The following TMEM163 variants were observed in gnomAD, a reference collection of about 807,000 sequenced individuals.
The protein encoded by TMEM163 is transmembrane protein 163.
In TMEM163, 17 loss-of-function variants were observed where a neutral mutation model predicts 29.3. That is an observed-to-expected ratio of 0.58 (90% CI 0.40 to 0.87). The LOEUF (loss-of-function observed/expected upper bound fraction) is 0.87. TMEM163 is among the 40% of genes least tolerant of loss of function. The pLI is 0.00. For synonymous variants in TMEM163, 157 were observed against 160.6 expected (o/e 0.98, Z 0.17); for missense variants, 303 against 381.5 (o/e 0.79, Z 1.71).
chr2:134,483,368 A>G (rs1679239784), intron 5 of TMEM163, among the ~76,000 whole-genome samples: 1 of 152,108 alleles, frequency 6.6e-6, no homozygotes, highest in Non-Finnish European at 1.5e-5. Context: ...AGGCACCGCC[A>G]TTCCTGAGGA....
At chr2:134,713,398 A>T (rs1032909646) in intron 1 of TMEM163, 79 bp from the exon 2 acceptor site, 19 of 1,591,264 alleles carry the variant, frequency 1.2e-5, no homozygotes, top group Middle Eastern at 1.7e-4. Context: ...TTTCTTACCC[A>T]AAGATTGCAA....
intron 2 of TMEM163, among the ~76,000 whole-genome samples, chr2:134,558,916 A>T (rs536848393): frequency 2.0e-5 from 3 of 152,198 alleles, no homozygotes; most frequent in Non-Finnish European, 1.5e-5. Flanking sequence ...CCTCTATTAC[A>T]CAGGGGCCTG....
intron 5 of TMEM163, among the ~76,000 whole-genome samples, chr2:134,483,280 C>G (rs577165575): frequency 6.6e-6 from 1 of 152,116 alleles, no homozygotes; most frequent in African/African-American, 2.4e-5. Context: ...TGGGCTCACA[C>G]ACCTCCCTCC....
chr2:134,508,306 G>A (rs768436655), intron 4 of TMEM163, among the ~76,000 whole-genome samples: 10 of 152,164 alleles, frequency 6.6e-5, no homozygotes, highest in Non-Finnish European at 1.2e-4. Flanking sequence ...TCATCCCACA[G>A]TTTAACGTGT....
chr2:134,667,149 GC>G (rs1683888490), intron 2 of TMEM163, among the ~76,000 whole-genome samples: 1 of 152,354 alleles, frequency 6.6e-6, no homozygotes, highest in East Asian at 1.9e-4. Context: ...CCAGTGAAGT[GC>G]TCCTTCTGAG....
chr2:134,540,006 G>C (rs1000736452), intron 4 of TMEM163, among the ~76,000 whole-genome samples: 1 of 152,192 alleles, frequency 6.6e-6, no homozygotes, highest in African/African-American at 2.4e-5. Flanking sequence ...GCAGCTGACC[G>C]AGGGCAGCAG....
intron 5 of TMEM163, chr2:134,469,024 A>G (rs559676120): frequency 6.6e-4 from 100 of 152,324 alleles, no homozygotes; most frequent in African/African-American, 2.0e-3. Flanking sequence ...CATGATCCAC[A>G]CACAAACGTC....
At chr2:134,594,979 C>T (rs1209248732) in intron 2 of TMEM163, among the ~76,000 whole-genome samples, 1 of 151,336 alleles carries the variant, frequency 6.6e-6, no homozygotes, top group Non-Finnish European at 1.5e-5. Context: ...TACTGAAAAA[C>T]AACAACAAAA....
At chr2:134,542,040 T>C (rs1680686152) in intron 4 of TMEM163, among the ~76,000 whole-genome samples, 1 of 152,230 alleles carries the variant, frequency 6.6e-6, no homozygotes, top group African/African-American at 2.4e-5. Context: ...TGACTATCCC[T>C]TGTTGCTAAG....
chr2:134,691,091 T>C (rs1684454292), intron 2 of TMEM163, among the ~76,000 whole-genome samples: 2 of 151,716 alleles, frequency 1.3e-5, no homozygotes, highest in Admixed American at 1.3e-4. Flanking sequence ...ACTGGGGAAA[T>C]AGGAGGGCAG....
At chr2:134,470,271 T>G (rs1417945552) in intron 5 of TMEM163, among the ~76,000 whole-genome samples, 4 of 150,824 alleles carry the variant, frequency 2.7e-5, no homozygotes, top group Admixed American at 1.3e-4. Context: ...GCAGGAGAAT[T>G]GTGTGAACCC....
intron 2 of TMEM163, among the ~76,000 whole-genome samples, chr2:134,603,431 G>A (rs1020022021): frequency 6.6e-6 from 1 of 152,162 alleles, no homozygotes; most frequent in African/African-American, 2.4e-5. Flanking sequence ...ATAAAATCCT[G>A]ATGCCCTAGT....
chr2:134,649,599 G>A (rs1681198776), intron 2 of TMEM163, among the ~76,000 whole-genome samples: 1 of 152,106 alleles, frequency 6.6e-6, no homozygotes, highest in South Asian at 2.1e-4. Context: ...AAACTTGTAA[G>A]TACAGTGAAA....
rs952806612 is a variant in TMEM163, at chr2:134,462,754, G to A, written c.667+3360C>T. 1.2e-4 allele frequency among the ~76,000 whole-genome samples: 19 copies of A among 152,326 alleles called. No homozygotes were observed. In the South Asian group the frequency reaches 1.7e-3, roughly 13 times the overall value. ...AAGCCAGAACAGTGAAGCCTAGACC[G>A]AGATCGTGTATCTGGAATATCTATG... On this transcript the variant is annotated intron_variant, in intron 6 of 7. Coordinates refer to ENST00000281924, the MANE Select transcript of TMEM163 (RefSeq NM_030923.5).
intron 1 of TMEM163, among the ~76,000 whole-genome samples, chr2:134,717,570 G>C (rs1685062497): frequency 6.6e-6 from 1 of 152,192 alleles, no homozygotes; most frequent in African/African-American, 2.4e-5. Flanking sequence ...AAAATGTACA[G>C]GAGATACTAA....
intron 2 of TMEM163, among the ~76,000 whole-genome samples, chr2:134,573,156 T>G (rs1277082510): frequency 6.6e-6 from 1 of 152,162 alleles, no homozygotes; most frequent in African/African-American, 2.4e-5. Flanking sequence ...CCCCACATGT[T>G]ATTATCACAC....
At chr2:134,667,748 T>C (rs1243756188) in intron 2 of TMEM163, among the ~76,000 whole-genome samples, 1 of 152,236 alleles carries the variant, frequency 6.6e-6, no homozygotes, top group Non-Finnish European at 1.5e-5. Context: ...AAGTGACTTA[T>C]TAAAGAACAC....
chr2:134,612,355 T>C (rs1682523494), intron 2 of TMEM163, among the ~76,000 whole-genome samples: 1 of 152,040 alleles, frequency 6.6e-6, no homozygotes, highest in Non-Finnish European at 1.5e-5. Flanking sequence ...ACAGGGGCCT[T>C]TGGAAAGCTC....
At chr2:134,498,892 G>C (rs1476577382) in intron 5 of TMEM163, among the ~76,000 whole-genome samples, 1 of 152,210 alleles carries the variant, frequency 6.6e-6, no homozygotes, top group Admixed American at 6.5e-5. Flanking sequence ...GGCCCCATGT[G>C]CCAGGGCCAA....
Sources: gnomAD v4.1 joint callset for allele counts (sites outside exome capture counted in the v4.1 genomes callset) on GRCh38, gnomAD v4.1.1 for gene constraint, MANE v1.5 for transcripts, NCBI Gene and HGNC (gene_info 2026-07-23, HGNC 2026-07-21) for gene names.